MYRFL: variants seen among roughly 807,000 people sequenced by gnomAD.
MYRFL encodes the protein myelin regulatory factor like, also known as myelin regulatory factor-like protein.
A neutral mutation model predicts 109.4 loss-of-function variants in MYRFL; 88 were observed. The observed-to-expected ratio is 0.80, with a 90% CI of 0.68 to 0.96. The LOEUF is 0.96. Ranked by LOEUF, MYRFL falls within the 40% of genes least tolerant of loss-of-function variation. MYRFL has a pLI of 0.00. For synonymous variants in MYRFL, 324 were observed against 320.9 expected (o/e 1.01, Z -0.10); for missense variants, 957 against 954.9 (o/e 1.00, Z -0.03).
intron 2 of MYRFL, among the ~76,000 whole-genome samples, chr12:69,857,934 T>G (rs1411078497): frequency 2.0e-5 from 3 of 151,876 alleles, no homozygotes; most frequent in Non-Finnish European, 4.4e-5. Context: ...ATATTTGCCT[T>G]GTCCATGACC....
At chr12:69,918,954 G>A (rs528336393) in intron 13 of MYRFL, among the ~76,000 whole-genome samples, 4 of 152,072 alleles carry the variant, frequency 2.6e-5, no homozygotes, top group African/African-American at 7.2e-5. Context: ...CCTTCCTAGT[G>A]CTAATTACAC....
intron 2 of MYRFL, among the ~76,000 whole-genome samples, chr12:69,875,821 C>T (rs1885629479): frequency 6.6e-6 from 1 of 152,162 alleles, no homozygotes; most frequent in Non-Finnish European, 1.5e-5. Context: ...TGAAATCAGT[C>T]TCTAGTGCCA....
intron 7 of MYRFL, among the ~76,000 whole-genome samples, chr12:69,892,515 A>G (rs1486846372): frequency 6.6e-6 from 1 of 152,138 alleles, no homozygotes; most frequent in Non-Finnish European, 1.5e-5. Context: ...GGCTCAAGCA[A>G]TCCTCCTGCT....
At chr12:69,957,642 T>C (rs1166044659) in intron 22 of MYRFL, among the ~76,000 whole-genome samples, 180 bp from the exon 23 acceptor site, 1 of 152,190 alleles carries the variant, frequency 6.6e-6, no homozygotes, top group African/African-American at 2.4e-5. Context: ...CCTTTTGTAG[T>C]AATGAGATGT....
intron 19 of MYRFL, among the ~76,000 whole-genome samples, chr12:69,937,797 C>T (rs934282268): frequency 1.3e-5 from 2 of 152,150 alleles, no homozygotes; most frequent in Non-Finnish European, 2.9e-5. Flanking sequence ...ATGTAATTTC[C>T]TTTCCCTTTT....
At chr12:69,842,910 C>T (rs2136317294) in intron 1 of MYRFL, among the ~76,000 whole-genome samples, 1 of 152,322 alleles carries the variant, frequency 6.6e-6, no homozygotes, top group Middle Eastern at 3.4e-3. Context: ...TTGTCCCTCT[C>T]ACTGGACCGT....
intron 19 of MYRFL, among the ~76,000 whole-genome samples, chr12:69,944,537 G>A (rs1439225939): frequency 6.9e-6 from 1 of 145,050 alleles, no homozygotes; most frequent in African/African-American, 2.6e-5. Context: ...ACTGTTGTGG[G>A]GTTGGGGGAG....
At chr12:69,915,606 C>A (rs1954705650) in intron 13 of MYRFL, among the ~76,000 whole-genome samples, 1 of 152,226 alleles carries the variant, frequency 6.6e-6, no homozygotes, top group South Asian at 2.1e-4. Flanking sequence ...GGACAGATGA[C>A]CTTACAAAAT....
intron 2 of MYRFL, among the ~76,000 whole-genome samples, chr12:69,857,831 T>C (rs1884391359): frequency 6.6e-6 from 1 of 151,854 alleles, no homozygotes; most frequent in South Asian, 2.1e-4. Flanking sequence ...TATGTCTTTC[T>C]TTTCAAACTG....
intron 6 of MYRFL, among the ~76,000 whole-genome samples, chr12:69,889,988 G>A (rs527370794): frequency 1.3e-5 from 2 of 152,200 alleles, no homozygotes; most frequent in South Asian, 4.2e-4. Context: ...AATTTGATTA[G>A]CCACCCTGCC....
chr12:69,945,974 G>A (rs1482464522), intron 19 of MYRFL, among the ~76,000 whole-genome samples: 13 of 80,884 alleles, frequency 1.6e-4, no homozygotes, highest in Admixed American at 1.2e-3. Flanking sequence ...GCGACAGAGC[G>A]AGACTCCGTC....
At chr12:69,846,342 A>T (rs1287837110) in intron 1 of MYRFL, among the ~76,000 whole-genome samples, 4 of 71,300 alleles carry the variant, frequency 5.6e-5, no homozygotes, top group African/African-American at 5.7e-5. Context: ...CTCCCCCCTC[A>T]CCCCACCCCA....
At chr12:69,955,817 C>T (rs1162108430) in intron 22 of MYRFL, among the ~76,000 whole-genome samples, 1 of 148,226 alleles carries the variant, frequency 6.7e-6, no homozygotes. Flanking sequence ...AATGTTAATG[C>T]AGACACCACT....
At chr12:69,878,551 A>T (rs1885839582) in intron 2 of MYRFL, among the ~76,000 whole-genome samples, 1 of 152,206 alleles carries the variant, frequency 6.6e-6, no homozygotes, top group Non-Finnish European at 1.5e-5. Flanking sequence ...TAATACATCC[A>T]TGTAATTTGT....
rs531922200 is a variant in MYRFL at position 69,908,654 on chromosome 12, T to C, written c.1384-1315T>C. Among the ~76,000 whole-genome samples the C allele has an allele frequency of 4.6e-5, 7 of 152,354 alleles. 1 individual carries two copies. In the South Asian group the frequency reaches 6.2e-4, roughly 14 times the overall value. ...TGATTCTCTGTGCATAATTCCATCA[T>C]TGTACTATGTTTCTCACATTGTAAT... is the stretch of plus-strand genomic sequence containing the variant. On this transcript the variant is annotated intron_variant, in intron 11 of 24. Coordinates refer to ENST00000552032, the MANE Select transcript of MYRFL (RefSeq NM_182530.3).
At chr12:69,895,716 C>T (rs1413084691) in intron 9 of MYRFL, among the ~76,000 whole-genome samples, 2 of 152,218 alleles carry the variant, frequency 1.3e-5, no homozygotes, top group East Asian at 3.8e-4. Flanking sequence ...TGCCCTGTCT[C>T]TGCCTGGCTC....
At chr12:69,913,324 A>C (rs1483954009) in intron 13 of MYRFL, among the ~76,000 whole-genome samples, 1 of 152,112 alleles carries the variant, frequency 6.6e-6, no homozygotes, top group Non-Finnish European at 1.5e-5. Context: ...CAGTTTATCT[A>C]TTTTCCCTTT....
intron 3 of MYRFL, 38 bp downstream of exon 3, chr12:69,879,133 G>A (rs1885883516): frequency 1.5e-6 from 1 of 677,960 alleles, no homozygotes; most frequent in Non-Finnish European, 2.7e-6. Context: ...TGGCACTGTT[G>A]CTCTTCCTCC....
chr12:69,953,333 G>GA (rs967841121), intron 21 of MYRFL, among the ~76,000 whole-genome samples: 2 of 152,150 alleles, frequency 1.3e-5, no homozygotes, highest in African/African-American at 4.8e-5. Context: ...CAGATAGGAG[G>GA]AAAAAATCAG....
Sources: allele counts gnomAD v4.1 joint callset (sites outside exome capture counted in the v4.1 genomes callset), GRCh38; gene constraint gnomAD v4.1.1; transcripts MANE v1.5; gene names NCBI Gene and HGNC (gene_info 2026-07-23, HGNC 2026-07-21).